OR7D2: variants seen among roughly 807,000 people sequenced by gnomAD.
OR7D2 encodes the protein olfactory receptor family 7 subfamily D member 2.
For missense variants in OR7D2, 370 were observed against 384.1 expected, an observed-to-expected ratio of 0.96 and a Z score of 0.31; for synonymous variants, 158 against 158.7, an observed-to-expected ratio of 1.00 and a Z score of 0.03.
At chr19:9,182,816 C>T (rs576940873) in intron 2 of OR7D2, 34 of 201,890 alleles carry the variant, frequency 1.7e-4, no homozygotes, top group Admixed American at 9.5e-4. Context: ...CCACCGCGCC[C>T]GGCCACATGC....
intron 1 of OR7D2, among the ~76,000 whole-genome samples, chr19:9,179,332 G>C (rs2050974441): frequency 6.6e-6 from 1 of 152,116 alleles, no homozygotes; most frequent in African/African-American, 2.4e-5. Context: ...TTGAGGCCAG[G>C]AGTCTAAGAC....
chr19:9,181,057 G>A lies in OR7D2; in HGVS notation c.-14+269G>A, dbSNP rs74653601. ...GGAGGATCGCTTAAGCCCAGGAAGT[G>A]GAGGTTGCAGTGAGCTATGATCATG... On this transcript the variant is annotated intron_variant, in intron 2 of 2. Coordinates refer to ENST00000641288, the MANE Select transcript of OR7D2 (RefSeq NM_175883.4). 5.1e-3 allele frequency among the ~76,000 whole-genome samples: 781 copies of A among 152,070 alleles called. 13 individuals carry two copies. The East Asian group carries it at 0.073, about 14-fold the overall frequency.
At chr19:9,184,319 C>T (rs1216204354) in intron 2 of OR7D2, among the ~76,000 whole-genome samples, 1 of 151,978 alleles carries the variant, frequency 6.6e-6, no homozygotes, top group African/African-American at 2.4e-5. Context: ...GAGGCTGAGG[C>T]ACAAGAATCG....
rs776922689 is a variant in OR7D2, at chr19:9,186,157, G to C, written c.376G>C (p.Val126Leu). 27 of 1,613,934 alleles carry C rather than the reference G, an allele frequency of 1.7e-5. No individual in the cohort carries two copies. The African/African-American group carries it at 3.2e-4, about 19-fold the overall frequency. ...TVMAYDRFVA[V>L]CHPLHYMIIM... ...GATGGCCTATGACCGGTTTGTGGCT[G>C]TCTGCCACCCTCTGCACTATATGAT... The change falls in exon 3 of 3, where the codon GTC becomes CTC. Residue 126 changes from valine to leucine, a missense_variant. Transcript: ENST00000641288.
At chr19:9,183,914 C>T (rs182127133) in intron 2 of OR7D2, among the ~76,000 whole-genome samples, 1,853 of 123,318 alleles carry the variant, frequency 0.015, 47 homozygotes, top group African/African-American at 0.055. Flanking sequence ...GCCGAGATTG[C>T]GCCACTGCAC....
At chr19:9,183,140 G>C in intron 2 of OR7D2, 1 of 193,836 alleles carries the variant, frequency 5.2e-6, no homozygotes, top group South Asian at 8.4e-5. Flanking sequence ...CGTGTGTACT[G>C]CCACAGCCCC....
chr19:9,181,547 TG>T (rs1376312644), intron 2 of OR7D2, among the ~76,000 whole-genome samples: 1 of 149,246 alleles, frequency 6.7e-6, no homozygotes, highest in Non-Finnish European at 1.5e-5. Flanking sequence ...CTCAACCTCC[TG>T]GGCTCAGGCA....
rs1251044029 is a variant in OR7D2 at position 9,186,763 on chromosome 19, A to C, written c.*43A>C. 1 of 1,282,684 alleles carries C rather than the reference A, an allele frequency of 7.8e-7. No homozygotes were observed. Among genetic ancestry groups the C allele is most frequent in the East Asian group, 2.4e-5 (1 of 42,370 alleles). 79.5% of individuals were successfully genotyped at this position (1,282,684 alleles called of 1,614,324 possible). On this transcript the variant is annotated 3_prime_UTR_variant, in exon 3 of 3. Coordinates refer to ENST00000641288, the MANE Select transcript of OR7D2 (RefSeq NM_175883.4). The stretch of plus-strand genomic sequence containing the variant: ...GGACTAAGAAGTTTTGTGAGCACCA[A>C]TGGCAAAAATGTTTTATTTTGAAAT...
chr19:9,184,632 G>A (rs1260936690), intron 2 of OR7D2, among the ~76,000 whole-genome samples: 1 of 152,132 alleles, frequency 6.6e-6, no homozygotes, highest in Admixed American at 6.6e-5. Flanking sequence ...ACTTGCAAAA[G>A]TCAAGATATG....
At chr19:9,183,525 A>G (rs1286475850) in intron 2 of OR7D2, among the ~76,000 whole-genome samples, 1 of 151,644 alleles carries the variant, frequency 6.6e-6, no homozygotes, top group Non-Finnish European at 1.5e-5. Context: ...CAATCTTTTC[A>G]TCTCAGCCTC....
At chr19:9,185,738 C>T (rs902931514) in intron 2 of OR7D2, 31 bp from the exon 3 acceptor site, 2 of 1,389,542 alleles carry the variant, frequency 1.4e-6, no homozygotes, top group Non-Finnish European at 2.0e-6. Flanking sequence ...TGTCCACCAC[C>T]ATGCCTGGCT....
At chr19:9,184,284 C>T (rs2051014077) in intron 2 of OR7D2, among the ~76,000 whole-genome samples, 1 of 151,920 alleles carries the variant, frequency 6.6e-6, no homozygotes, top group African/African-American at 2.4e-5. Context: ...CGTGGTGGCA[C>T]ATACCTGTAA....
rs371927365 is a variant in OR7D2, at chr19:9,186,586, C to G, written c.805C>G (p.Gln269Glu). 1.9e-6 allele frequency: 3 copies of G among 1,613,944 alleles called. No homozygotes were observed. Among genetic ancestry groups the G allele is most frequent in the Non-Finnish European group, 2.5e-6 (3 of 1,180,034 alleles). ...HFTSAVTHSS[Q>E]KISVASVMYT... The stretch of plus-strand genomic sequence containing the variant: ...CACTTCTGCGGTGACTCACTCTTCC[C>G]AGAAAATCTCCGTGGCCTCGGTGAT... The change falls in exon 3 of 3, where the codon CAG becomes GAG. Residue 269 changes from glutamine to glutamate, a missense_variant. Physicochemically the swap from Gln to Glu is conservative, Grantham distance 29. Transcript: ENST00000641288.
At chr19:9,179,776 C>T (rs1338827455) in intron 1 of OR7D2, among the ~76,000 whole-genome samples, 1 of 151,844 alleles carries the variant, frequency 6.6e-6, no homozygotes, top group Non-Finnish European at 1.5e-5. Flanking sequence ...GAGGCCGAGG[C>T]GGGTGGATCA....
rs984971734 is a variant in OR7D2, at chr19:9,187,835, C to T, written c.*1115C>T. The T allele has an allele frequency of 1.2e-5, 2 of 164,900 alleles. No homozygotes were observed. The highest frequency in any genetic ancestry group is 4.8e-5 in the African/African-American group (2 of 41,444). 10.2% of individuals were successfully genotyped at this position (164,900 alleles called of 1,614,324 possible). ...TCACCTAGAGTAATGACCTCCAGTT[C>T]CATCCAAGTTGCTACAAAAGACATT... is the stretch of plus-strand genomic sequence containing the variant. On this transcript the variant is annotated 3_prime_UTR_variant, in exon 3 of 3. Coordinates refer to ENST00000641288, the MANE Select transcript of OR7D2 (RefSeq NM_175883.4).
rs1159005248 is a variant in OR7D2, at chr19:9,186,327, G to T, written c.546G>T (p.Thr182=). The change falls in exon 3 of 3, where the codon ACG becomes ACT. Residue 182 remains threonine, a synonymous_variant. Transcript: ENST00000641288. ...TTCCACATTTTTTCTGCGAACTGAC[G>T]TACATCCTCCAGCTGGCCTGCTCTG... ...FEIPHFFCEL[T]YILQLACSDT... The T allele has an allele frequency of 6.2e-7, 1 of 1,613,808 alleles. No individual in the cohort carries two copies. The highest frequency in any genetic ancestry group is 1.3e-5 in the African/African-American group (1 of 74,882).
intron 1 of OR7D2, among the ~76,000 whole-genome samples, chr19:9,179,622 T>C (rs577997968): frequency 7.2e-5 from 11 of 152,288 alleles, no homozygotes; most frequent in African/African-American, 2.6e-4. Context: ...AACTAGTGAC[T>C]TTCTCAATGT....
chr19:9,186,607 G>A lies in OR7D2; in HGVS notation c.826G>A (p.Val276Met). The A allele has an allele frequency of 1.2e-6, 2 of 1,613,950 alleles. No homozygotes were observed. Among genetic ancestry groups the A allele is most frequent in the South Asian group, 2.2e-5 (2 of 91,076 alleles). The change falls in exon 3 of 3, where the codon GTG becomes ATG. Residue 276 changes from valine (V) to methionine (M), a missense_variant. Val to Met is a conservative substitution (Grantham distance 21). Transcript: ENST00000641288. ...TTCCCAGAAAATCTCCGTGGCCTCG[G>A]TGATGTACACTGTGGTCACCCCCAT... is the stretch of plus-strand genomic sequence containing the variant. ...HSSQKISVAS[V>M]MYTVVTPMLN...
In OR7D2 at chr19:9,185,914, A is replaced by G. The variant is rs374799517; in HGVS notation, c.133A>G (p.Ile45Val). ...YLVTVLGNLLIILAISSDSHL... is the reference protein window; with the variant it reads ...YLVTVLGNLLVILAISSDSHL... Reference sequence around the variant, plus strand: ...GGTGACGGTGCTGGGAAACCTGCTCATCATCCTGGCCATCAGCTCTGACTC... The same window carrying G: ...GGTGACGGTGCTGGGAAACCTGCTCGTCATCCTGGCCATCAGCTCTGACTC... Residue 45 changes from isoleucine to valine, a missense_variant, in exon 3 of 3, where the codon ATC becomes GTC. Transcript: ENST00000641288. 2.5e-5 allele frequency: 41 copies of G among 1,614,000 alleles called. No homozygotes were observed. The highest frequency in any genetic ancestry group is 6.7e-5 in the East Asian group (3 of 44,876).
Sources: gnomAD v4.1 joint callset for allele counts (sites outside exome capture counted in the v4.1 genomes callset) on GRCh38, gnomAD v4.1.1 for gene constraint, MANE v1.5 for transcripts, NCBI Gene and HGNC (gene_info 2026-07-23, HGNC 2026-07-21) for gene names.